The following GMCL1 variants were observed in gnomAD, a reference collection of about 807,000 sequenced individuals.
GMCL1 encodes the protein germ cell-less 1, spermatogenesis associated.
A neutral mutation model predicts 75.5 loss-of-function variants in GMCL1; 54 were observed. The ratio of observed to expected loss-of-function variants is 0.71; its 90% CI spans 0.57 to 0.90. The LOEUF (loss-of-function observed/expected upper bound fraction) is 0.90. Among genes scored for constraint, GMCL1 ranks in the 40% least tolerant of loss-of-function variants. The pLI is 0.00. For missense variants in GMCL1, 537 were observed against 622.7 expected (o/e 0.86, Z 1.47); for synonymous variants, 210 against 209.6 (o/e 1.00, Z -0.02).
intron 6 of GMCL1, among the ~76,000 whole-genome samples, chr2:69,846,591 G>T (rs1230190580): frequency 6.6e-6 from 1 of 152,158 alleles, no homozygotes; most frequent in Non-Finnish European, 1.5e-5. Context: ...TGAAAAAGGA[G>T]CAGGATCCTC....
At chr2:69,858,563 A>C (rs982526492) in intron 9 of GMCL1, among the ~76,000 whole-genome samples, 5 of 152,106 alleles carry the variant, frequency 3.3e-5, no homozygotes, top group African/African-American at 4.8e-5. Flanking sequence ...AACCTGCTTC[A>C]CTTATTTTCA....
intron 1 of GMCL1, among the ~76,000 whole-genome samples, chr2:69,834,944 A>G (rs912847415): frequency 1.3e-5 from 2 of 151,710 alleles, no homozygotes; most frequent in Admixed American, 6.6e-5. Context: ...TTTCATCACT[A>G]TCATTAGGTT....
chr2:69,857,311 T>G (rs1675502521), intron 9 of GMCL1, among the ~76,000 whole-genome samples: 1 of 152,220 alleles, frequency 6.6e-6, no homozygotes, highest in Non-Finnish European at 1.5e-5. Flanking sequence ...TAAACCTTCT[T>G]TGTTCCTATA....
intron 7 of GMCL1, 40 bp from the exon 8 acceptor site, chr2:69,849,612 A>G (rs1487039076): frequency 8.0e-7 from 1 of 1,256,636 alleles, no homozygotes; most frequent in Admixed American, 2.3e-5. Flanking sequence ...AAATGATGAA[A>G]TTTCATAATT....
At chr2:69,852,825 C>A (rs960421781) in intron 8 of GMCL1, among the ~76,000 whole-genome samples, 1 of 152,168 alleles carries the variant, frequency 6.6e-6, no homozygotes, top group Non-Finnish European at 1.5e-5. Context: ...AGGCATGAGC[C>A]ACCACACCTG....
At chr2:69,846,429 AG>A (rs1205075825) in intron 6 of GMCL1, among the ~76,000 whole-genome samples, 1 of 152,238 alleles carries the variant, frequency 6.6e-6, no homozygotes, top group East Asian at 1.9e-4. Context: ...GATGATTTAA[AG>A]TATATGAGAG....
intron 9 of GMCL1, among the ~76,000 whole-genome samples, chr2:69,859,741 C>CT (rs1558546662): frequency 5.1e-5 from 2 of 39,472 alleles, no homozygotes; most frequent in Non-Finnish European, 8.7e-5. Context: ...CTCTCTCTCT[C>CT]TAAAAAAAAA....
chr2:69,830,099 C>A lies in GMCL1; in HGVS notation c.207C>A (p.Asp69Glu), dbSNP rs1483262090. Residue 69 changes from aspartate to glutamate, a missense_variant, in exon 1 of 14, where the codon GAC (aspartate) becomes GAA (glutamate). Transcript: ENST00000282570. ...ACTGTCACCCTGACTCGGAGACGGA[C>A]GAGGATGAGGAGGAGGGGGACGAGC... ...FCYCHPDSET[D>E]EDEEEGDEQQ... 6.3e-7 allele frequency: 1 copy of A among 1,578,916 alleles called. No homozygotes were observed. The highest frequency in any genetic ancestry group is 8.6e-7 in the Non-Finnish European group (1 of 1,161,916).
intron 8 of GMCL1, among the ~76,000 whole-genome samples, chr2:69,850,326 T>TA (rs1277865203): frequency 5.9e-5 from 9 of 151,768 alleles, no homozygotes; most frequent in South Asian, 2.1e-4. Context: ...GCATGCAATA[T>TA]AAAAAAAATA....
At chr2:69,867,516 T>G (rs1415023208) in intron 11 of GMCL1, among the ~76,000 whole-genome samples, 1 of 152,244 alleles carries the variant, frequency 6.6e-6, no homozygotes, top group Non-Finnish European at 1.5e-5. Context: ...ATTCTGGATA[T>G]ACAATACATT....
intron 6 of GMCL1, among the ~76,000 whole-genome samples, chr2:69,846,963 G>C (rs570910848): frequency 6.6e-6 from 1 of 151,266 alleles, no homozygotes. Context: ...CTCCCGAGTA[G>C]CTGGGACTAC....
rs531891989 is a variant in GMCL1, at chr2:69,880,967, A to T, written c.*1963A>T. The T allele has an allele frequency of 6.6e-6, 1 of 151,994 alleles. No individual in the cohort carries two copies. Among genetic ancestry groups the T allele is most frequent in the Non-Finnish European group, 1.5e-5 (1 of 68,022 alleles). 9.4% of individuals were successfully genotyped at this position (151,994 alleles called of 1,614,324 possible). Reference sequence around the variant, plus strand: ...CTCATTACTGTATAAGAGTTTCCTTACCCTTTATGTATTGAAAAATATATA... The same window carrying T: ...CTCATTACTGTATAAGAGTTTCCTTTCCCTTTATGTATTGAAAAATATATA... On this transcript the variant is annotated 3_prime_UTR_variant, in exon 14 of 14. Transcript: ENST00000282570.
chr2:69,875,666 T>C (rs576630267), intron 13 of GMCL1, among the ~76,000 whole-genome samples: 1 of 152,294 alleles, frequency 6.6e-6, no homozygotes, highest in Admixed American at 6.5e-5. Context: ...TCCTGTGTAT[T>C]TCCTGGAAGT....
At chr2:69,877,706 T>TG (rs1676162597) in intron 13 of GMCL1, among the ~76,000 whole-genome samples, 2 of 149,830 alleles carry the variant, frequency 1.3e-5, no homozygotes, top group African/African-American at 4.9e-5. Flanking sequence ...GATTGTGTGT[T>TG]TGTGTGTGTG....
chr2:69,856,469 A>G (rs2104000390), intron 9 of GMCL1, among the ~76,000 whole-genome samples: 2 of 152,202 alleles, frequency 1.3e-5, no homozygotes, highest in South Asian at 4.1e-4. Context: ...CCATTATTTC[A>G]TGGAATTAGG....
chr2:69,836,767 G>T lies in GMCL1; in HGVS notation c.261-780G>T, dbSNP rs1457446493. Among the ~76,000 whole-genome samples the T allele has an allele frequency of 4.6e-5, 7 of 152,118 alleles. No homozygotes were observed. In the South Asian group the frequency reaches 1.5e-3, roughly 32 times the overall value. On this transcript the variant is annotated intron_variant, in intron 1 of 13. Transcript: ENST00000282570. ...ATGATTTTCAAACTTTATTTTTTTAGTCAAGTCTTCCTTTAAATTAAATCT... is the reference window on the plus strand; with the variant it reads ...ATGATTTTCAAACTTTATTTTTTTATTCAAGTCTTCCTTTAAATTAAATCT...
chr2:69,842,125 C>T (rs529915902), intron 4 of GMCL1, among the ~76,000 whole-genome samples: 51 of 152,222 alleles, frequency 3.4e-4, no homozygotes, highest in African/African-American at 1.2e-3. Flanking sequence ...AAACTTGTTG[C>T]ATTCGTCCAA....
chr2:69,830,233 G>A, intron 1 of GMCL1, 81 bp downstream of exon 1: 2 of 1,389,188 alleles, frequency 1.4e-6, no homozygotes, highest in Non-Finnish European at 1.8e-6. Context: ...GTGCGCTTGC[G>A]GGGTGCAGCG....
chr2:69,844,582 T>C (rs933258847), intron 6 of GMCL1: 1 of 152,940 alleles, frequency 6.5e-6, no homozygotes, highest in African/African-American at 2.4e-5. Flanking sequence ...AAACTTTTCA[T>C]GTTGATCCGT....
Sources: gnomAD v4.1 joint callset for allele counts (sites outside exome capture counted in the v4.1 genomes callset) on GRCh38, gnomAD v4.1.1 for gene constraint, MANE v1.5 for transcripts, NCBI Gene and HGNC (gene_info 2026-07-23, HGNC 2026-07-21) for gene names.